Variants in MTIF3 observed in about 807,000 individuals in gnomAD.
MTIF3 encodes mitochondrial translational initiation factor 3.
MTIF3 carries 13 observed loss-of-function variants against 20.7 expected under a neutral mutation model. That is an observed-to-expected ratio of 0.63 (90% CI 0.41 to 1.00). MTIF3 has a LOEUF of 1.00. Ranked by LOEUF, MTIF3 falls within the 50% of genes least tolerant of loss-of-function variation. MTIF3 has a pLI of 0.00. For synonymous variants in MTIF3, 114 were observed against 112.5 expected, an observed-to-expected ratio of 1.01 and a Z score of -0.08; for missense variants, 295 against 324.5, an observed-to-expected ratio of 0.91 and a Z score of 0.70.
At chr13:27,448,137 G>A (rs1052958510) in intron 1 of MTIF3, among the ~76,000 whole-genome samples, 1 of 139,792 alleles carries the variant, frequency 7.2e-6, no homozygotes, top group East Asian at 2.5e-4. Context: ...TAGTAGATAT[G>A]AGGGGTGGGT....
At position 27,440,027 on chromosome 13, in the gene MTIF3, T is replaced by C; in HGVS notation, c.422A>G (p.Gln141Arg). ...CGCCTTCTCCATCTCCCTCAGCCTC[T>C]GCCGCTCCTGGAGGATCTGCAATCC... ...MTGLQILQER[Q>R]RLREMEKANP... is the part of the protein sequence containing the mutation. Residue 141 changes from glutamine (Q) to arginine (R), a missense_variant, in exon 3 of 5, where the codon CAG becomes CGG. By Grantham distance (43) the Gln-to-Arg change is conservative. Transcript: ENST00000381120. 6.2e-7 allele frequency: 1 copy of C among 1,614,200 alleles called. No individual in the cohort carries two copies. The highest frequency in any genetic ancestry group is 1.3e-5 in the African/African-American group (1 of 75,064).
At chr13:27,437,323 ACC>A (rs556206736) in intron 3 of MTIF3, 50 bp from the exon 4 acceptor site, 182 of 1,518,298 alleles carry the variant, frequency 1.2e-4, no homozygotes, top group Non-Finnish European at 1.5e-4. Flanking sequence ...TCCACTGTGA[ACC>A]CTGAACTTCC....
Position 27,450,545 on chromosome 13 carries a change from C to CGCAAGTACAGCG in MTIF3, c.-119_-108dup, listed in dbSNP as rs1195827735. On this transcript the variant is annotated 5_prime_UTR_variant, in exon 1 of 5. Coordinates refer to ENST00000381120, the MANE Select transcript of MTIF3 (RefSeq NM_152912.5). ...CAAGCGATTGACATACTGTAGCGGA[C>CGCAAGTACAGCG]GCAAGTACAGCGGATCTGCGGCGAG... is the stretch of plus-strand genomic sequence containing the variant. The CGCAAGTACAGCG allele has an allele frequency of 1.3e-5, 2 of 151,190 alleles. No individual in the cohort carries two copies. Among genetic ancestry groups the CGCAAGTACAGCG allele is most frequent in the Non-Finnish European group, 2.9e-5 (2 of 68,090 alleles). The allele number at this position is 151,190 out of a possible 1,614,324, so 9.4% of individuals were successfully genotyped here.
intron 1 of MTIF3, among the ~76,000 whole-genome samples, chr13:27,447,376 C>A (rs1954215342): frequency 6.6e-6 from 1 of 152,084 alleles, no homozygotes; most frequent in Non-Finnish European, 1.5e-5. Context: ...GTAAACAACA[C>A]TAGGCTGAAG....
intron 1 of MTIF3, among the ~76,000 whole-genome samples, chr13:27,448,626 A>G (rs2138203855): frequency 6.6e-6 from 1 of 151,646 alleles, no homozygotes. Flanking sequence ...ACACTGGAAA[A>G]AGCCAACATT....
Position 27,437,235 on chromosome 13 carries a change from T to C in MTIF3, c.499A>G (p.Ile167Val), listed in dbSNP as rs1788710478. 6.2e-7 allele frequency: 1 copy of C among 1,613,976 alleles called. No homozygotes were observed. The highest frequency in any genetic ancestry group is 8.5e-7 in the Non-Finnish European group (1 of 1,180,016). The change falls in exon 4 of 5, where the codon ATT becomes GTT. Residue 167 changes from isoleucine to valine, a missense_variant. Coordinates refer to ENST00000381120, the MANE Select transcript of MTIF3 (RefSeq NM_152912.5). Reference sequence around the variant, plus strand: ...TTTGTGTCCAAATCATGTTGTCCAATATTTGAAGACAAAATCAGTTCCTTT... The same window carrying C: ...TTTGTGTCCAAATCATGTTGTCCAACATTTGAAGACAAAATCAGTTCCTTT... ...LRKELILSSNIGQHDLDTKTK... is the reference protein window; with the variant it reads ...LRKELILSSNVGQHDLDTKTK...
rs150437746 is a variant in MTIF3, at chr13:27,440,195, C to T, written c.254G>A (p.Arg85Gln). The change falls in exon 3 of 5, where the codon CGA becomes CAA. Residue 85 changes from arginine to glutamine, a missense_variant. Transcript: ENST00000381120. ...FSNVGRKISQRVIHLFDEKGN... is the reference protein window; with the variant it reads ...FSNVGRKISQQVIHLFDEKGN... ...CTTCTCATCAAATAAGTGAATAACT[C>T]GCTGACTAATTTTTCTTCCAACGTT... 320 of 1,614,202 alleles carry T rather than the reference C, an allele frequency of 2.0e-4. 1 individual carries two copies. In the East Asian group the frequency reaches 2.3e-3, roughly 12 times the overall value.
At chr13:27,445,332 C>T (rs1954148262) in intron 1 of MTIF3, among the ~76,000 whole-genome samples, 176 bp from the exon 2 acceptor site, 1 of 152,024 alleles carries the variant, frequency 6.6e-6, no homozygotes, top group South Asian at 2.1e-4. Flanking sequence ...ATAAATTAGC[C>T]AGGTGTGTTG....
chr13:27,444,865 T>C (rs1462065171), intron 2 of MTIF3, among the ~76,000 whole-genome samples: 2 of 152,230 alleles, frequency 1.3e-5, no homozygotes, highest in African/African-American at 4.8e-5. Context: ...ATGATTTTGT[T>C]TGTTTACATG....
At chr13:27,441,431 G>A (rs1200355952) in intron 2 of MTIF3, among the ~76,000 whole-genome samples, 1 of 152,188 alleles carries the variant, frequency 6.6e-6, no homozygotes. Flanking sequence ...AAGAATAACT[G>A]AGCCTGTCAG....
chr13:27,437,539 A>G (rs74042200), intron 3 of MTIF3, among the ~76,000 whole-genome samples: 3,550 of 152,318 alleles, frequency 0.023, 133 homozygotes, highest in African/African-American at 0.079. Context: ...ACCAAAAGAT[A>G]GTCGTTTAAA....
intron 3 of MTIF3, among the ~76,000 whole-genome samples, chr13:27,439,423 G>T (rs1469800341): frequency 6.6e-6 from 1 of 152,228 alleles, no homozygotes; most frequent in Non-Finnish European, 1.5e-5. Context: ...TTGAGCCTGG[G>T]AGGCGAAGGT....
rs1954064284 is a variant in MTIF3, at chr13:27,443,350, A to G, written c.-2+1738T>C. On this transcript the variant is annotated intron_variant, in intron 2 of 4. Transcript: ENST00000381120. ...ACCAAAAAAGAAGAAAAATCTGAAA[A>G]GATCACAGAAGATTTTTTTTTCACT... Among the ~76,000 whole-genome samples the G allele has an allele frequency of 2.0e-5, 3 of 152,252 alleles. No homozygotes were observed. In the South Asian group the frequency reaches 6.2e-4, roughly 31 times the overall value.
intron 3 of MTIF3, among the ~76,000 whole-genome samples, chr13:27,438,374 C>T (rs1357600506): frequency 6.7e-6 from 1 of 150,196 alleles, no homozygotes; most frequent in Non-Finnish European, 1.5e-5. Flanking sequence ...CCTGTGGTCC[C>T]AGCTGTGTGG....
intron 2 of MTIF3, among the ~76,000 whole-genome samples, chr13:27,442,800 CCCATTA>C (rs1954049944): frequency 6.6e-6 from 1 of 152,228 alleles, no homozygotes. Flanking sequence ...CACTCTCAAA[CCCATTA>C]CCTTGCCTTT....
At chr13:27,436,643 T>A (rs1305649434) in intron 4 of MTIF3, among the ~76,000 whole-genome samples, 1 of 152,016 alleles carries the variant, frequency 6.6e-6, no homozygotes, top group East Asian at 1.9e-4. Context: ...GGAAACTATA[T>A]CTACAGTATG....
intron 3 of MTIF3, among the ~76,000 whole-genome samples, chr13:27,437,968 TC>T (rs1953846918): frequency 6.6e-6 from 1 of 152,122 alleles, no homozygotes; most frequent in Non-Finnish European, 1.5e-5. Context: ...TACGGTTTTT[TC>T]CATCATACAC....
chr13:27,446,190 G>A (rs577020122), intron 1 of MTIF3, among the ~76,000 whole-genome samples: 8 of 151,944 alleles, frequency 5.3e-5, no homozygotes, highest in East Asian at 1.9e-4. Flanking sequence ...CCAAGTAGCC[G>A]GGATTACAGG....
At chr13:27,447,955 T>A (rs1954234961) in intron 1 of MTIF3, among the ~76,000 whole-genome samples, 2 of 152,328 alleles carry the variant, frequency 1.3e-5, no homozygotes, top group South Asian at 2.1e-4. Flanking sequence ...TTATTTATTT[T>A]TGGCTCTTAT....
Sources: allele counts gnomAD v4.1 joint callset (sites outside exome capture counted in the v4.1 genomes callset), GRCh38; gene constraint gnomAD v4.1.1; transcripts MANE v1.5; gene names NCBI Gene and HGNC (gene_info 2026-07-23, HGNC 2026-07-21).